PCSK2: variants seen among roughly 807,000 people sequenced by gnomAD.
PCSK2 encodes neuroendocrine convertase 2.
Under a neutral mutation model 69.7 loss-of-function variants are expected in PCSK2, and 14 were observed. The ratio of observed to expected loss-of-function variants is 0.20; its 90% CI spans 0.13 to 0.31. The LOEUF (loss-of-function observed/expected upper bound fraction) is 0.31. Ranked by LOEUF, PCSK2 falls within the 10% of genes least tolerant of loss-of-function variation. The pLI, the probability that PCSK2 is intolerant of heterozygous loss-of-function variation, is 1.00. For synonymous variants in PCSK2, 307 were observed against 320.7 expected, an observed-to-expected ratio of 0.96 and a Z score of 0.46; for missense variants, 544 against 842.5, an observed-to-expected ratio of 0.65 and a Z score of 4.39.
intron 1 of PCSK2, among the ~76,000 whole-genome samples, chr20:17,258,891 C>T (rs1454115326): frequency 1.3e-5 from 2 of 150,936 alleles, no homozygotes; most frequent in African/African-American, 4.9e-5. Flanking sequence ...GGAAAAAAAA[C>T]AAAAAGGTAA....
chr20:17,304,425 A>G (rs1397366011), intron 2 of PCSK2, among the ~76,000 whole-genome samples: 1 of 152,214 alleles, frequency 6.6e-6, no homozygotes, highest in African/African-American at 2.4e-5. Flanking sequence ...TTCTTTAATC[A>G]GCTTTTCAAT....
intron 11 of PCSK2, among the ~76,000 whole-genome samples, chr20:17,471,622 G>A (rs2033203493): frequency 6.6e-6 from 1 of 152,236 alleles, no homozygotes. Flanking sequence ...TGGGAAGGAG[G>A]CTCTGCCTTG....
intron 2 of PCSK2, among the ~76,000 whole-genome samples, chr20:17,295,544 T>TTA (rs1439007374): frequency 6.8e-6 from 1 of 146,984 alleles, no homozygotes; most frequent in Non-Finnish European, 1.5e-5. Context: ...TTTATTTATA[T>TTA]TATATATATT....
At position 17,472,357 on chromosome 20, in the gene PCSK2, C is replaced by T. The variant is rs553140043; in HGVS notation, c.1430+6804C>T. On this transcript the variant is annotated intron_variant, in intron 11 of 11. Coordinates refer to ENST00000262545, the MANE Select transcript of PCSK2 (RefSeq NM_002594.5). ...GCTCGGCCCTGTGCCACCTGGGGGA[C>T]TGTGGACCAGCACTCCCGAGCTGCA... Among the ~76,000 whole-genome samples the T allele has an allele frequency of 1.5e-4, 23 of 152,328 alleles. No individual in the cohort carries two copies. The East Asian group carries it at 3.1e-3, about 20-fold the overall frequency.
At chr20:17,462,635 C>T (rs2033032302) in intron 10 of PCSK2, among the ~76,000 whole-genome samples, 1 of 152,184 alleles carries the variant, frequency 6.6e-6, no homozygotes, top group African/African-American at 2.4e-5. Context: ...CAGGGACATC[C>T]GTCTGACATG....
chr20:17,263,395 G>C (rs913832899), intron 2 of PCSK2, among the ~76,000 whole-genome samples: 2 of 152,236 alleles, frequency 1.3e-5, no homozygotes, highest in African/African-American at 4.8e-5. Context: ...CCTGCTAAAA[G>C]ATTAGCTGAC....
rs202057200 is a variant in PCSK2 at position 17,282,367 on chromosome 20, C to G, written c.282+22023C>G. Among the ~76,000 whole-genome samples, 3 of 152,094 alleles carry G rather than the reference C, an allele frequency of 2.0e-5. No individual in the cohort carries two copies. In the East Asian group the frequency reaches 5.8e-4, roughly 29 times the overall value. On this transcript the variant is annotated intron_variant, in intron 2 of 11. Coordinates refer to ENST00000262545, the MANE Select transcript of PCSK2 (RefSeq NM_002594.5). ...AAGGGAGAAGACATGGGAAGTGGCT[C>G]TTAGTCTGCCATTTGCACTGAGTCC...
At chr20:17,398,944 T>C (rs2031574712) in intron 5 of PCSK2, among the ~76,000 whole-genome samples, 1 of 152,170 alleles carries the variant, frequency 6.6e-6, no homozygotes, top group Admixed American at 6.5e-5. Flanking sequence ...TATGAGCTCA[T>C]GAAGGCTAAT....
chr20:17,315,543 G>T (rs116791042), intron 2 of PCSK2, among the ~76,000 whole-genome samples: 2 of 152,112 alleles, frequency 1.3e-5, no homozygotes, highest in Non-Finnish European at 1.5e-5. Flanking sequence ...TGCGACTCCC[G>T]GCGCCTTTCT....
At chr20:17,316,349 A>T (rs560327013) in intron 2 of PCSK2, among the ~76,000 whole-genome samples, 1 of 152,242 alleles carries the variant, frequency 6.6e-6, no homozygotes, top group Non-Finnish European at 1.5e-5. Flanking sequence ...CTTTAAAATT[A>T]TATGTCTGTG....
chr20:17,335,797 C>T (rs1249991369), intron 2 of PCSK2, among the ~76,000 whole-genome samples: 1 of 151,072 alleles, frequency 6.6e-6, no homozygotes, highest in African/African-American at 2.4e-5. Context: ...TCTCCAGTCC[C>T]ATCTGGATTG....
At chr20:17,350,178 C>T (rs1460023042) in intron 2 of PCSK2, among the ~76,000 whole-genome samples, 1 of 147,888 alleles carries the variant, frequency 6.8e-6, no homozygotes, top group Non-Finnish European at 1.5e-5. Flanking sequence ...TGTAGTGACC[C>T]TATTTCCAAA....
intron 3 of PCSK2, among the ~76,000 whole-genome samples, chr20:17,358,784 G>T (rs916437953): frequency 6.6e-6 from 1 of 152,204 alleles, no homozygotes; most frequent in East Asian, 1.9e-4. Context: ...TAATGCAGGG[G>T]TTTCAACAGA....
chr20:17,292,750 C>T (rs1309382199), intron 2 of PCSK2, among the ~76,000 whole-genome samples: 1 of 152,042 alleles, frequency 6.6e-6, no homozygotes, highest in Non-Finnish European at 1.5e-5. Context: ...TACATATGTC[C>T]TGTAGGTCTA....
intron 2 of PCSK2, among the ~76,000 whole-genome samples, chr20:17,356,743 G>T (rs2030210930): frequency 6.6e-6 from 1 of 152,192 alleles, no homozygotes; most frequent in Non-Finnish European, 1.5e-5. Flanking sequence ...AAGCTCCGGG[G>T]CTGGGTTGCA....
rs727475 is a variant in PCSK2, at chr20:17,331,152, G to A, written c.283-27175G>A. 9.7e-3 allele frequency among the ~76,000 whole-genome samples: 1,484 copies of A among 152,266 alleles called. 22 individuals carry two copies. Among genetic ancestry groups the A allele is most frequent in the African/African-American group, 0.033 (1,376 of 41,562 alleles). Reference sequence around the variant, plus strand: ...GGATAGATCTAAAGGTAGCGCTCCTGACTCAAACAGCGTTCCTACTTCAGA... The same window carrying A: ...GGATAGATCTAAAGGTAGCGCTCCTAACTCAAACAGCGTTCCTACTTCAGA... On this transcript the variant is annotated intron_variant, in intron 2 of 11. Coordinates refer to ENST00000262545, the MANE Select transcript of PCSK2 (RefSeq NM_002594.5).
At position 17,262,547 on chromosome 20, in the gene PCSK2, G is replaced by A. The variant is rs543605373; in HGVS notation, c.282+2203G>A. On this transcript the variant is annotated intron_variant, in intron 2 of 11. Coordinates refer to ENST00000262545, the MANE Select transcript of PCSK2 (RefSeq NM_002594.5). ...TGAGTCTTTCCTGCATGATGTTCTC[G>A]TGGTTGTCTAATTTTGGCATCTGCT... is the stretch of plus-strand genomic sequence containing the variant. Among the ~76,000 whole-genome samples the A allele has an allele frequency of 1.3e-3, 198 of 151,930 alleles. 1 individual carries two copies. Among genetic ancestry groups the A allele is most frequent in the African/African-American group, 4.6e-3 (191 of 41,430 alleles).
At chr20:17,265,705 A>T (rs1987572458) in intron 2 of PCSK2, among the ~76,000 whole-genome samples, 1 of 151,746 alleles carries the variant, frequency 6.6e-6, no homozygotes, top group African/African-American at 2.4e-5. Context: ...TTGTAAGGAG[A>T]CTTAACCACT....
intron 11 of PCSK2, among the ~76,000 whole-genome samples, chr20:17,467,704 AT>A (rs779839854): frequency 3.3e-5 from 5 of 152,006 alleles, no homozygotes; most frequent in Admixed American, 6.6e-5. Flanking sequence ...AAAATAAGAG[AT>A]TTTTTTCTCT....
Sources: gnomAD v4.1 joint callset for allele counts (sites outside exome capture counted in the v4.1 genomes callset) on GRCh38, gnomAD v4.1.1 for gene constraint, MANE v1.5 for transcripts, NCBI Gene and HGNC (gene_info 2026-07-23, HGNC 2026-07-21) for gene names.